Variants in VSNL1 observed in about 807,000 individuals in gnomAD.
VSNL1 encodes the protein visinin like 1.
VSNL1 carries 6 observed loss-of-function variants against 20.4 expected under a neutral mutation model. That is an observed-to-expected ratio of 0.29 (90% CI 0.16 to 0.58). VSNL1 has a LOEUF of 0.58. Ranked by LOEUF, VSNL1 falls within the 20% of genes least tolerant of loss-of-function variation. The pLI, the probability that VSNL1 is intolerant of heterozygous loss-of-function variation, is 0.90. For synonymous variants in VSNL1, 93 were observed against 86.4 expected, an observed-to-expected ratio of 1.08 and a Z score of -0.42; for missense variants, 100 against 234.5, an observed-to-expected ratio of 0.43 and a Z score of 3.75.
chr2:17,644,799 A>G (rs947077362), intron 2 of VSNL1, among the ~76,000 whole-genome samples: 1 of 152,246 alleles, frequency 6.6e-6, no homozygotes, highest in African/African-American at 2.4e-5. Flanking sequence ...CTGAAGAGGT[A>G]GGTACAAGAC....
intron 2 of VSNL1, among the ~76,000 whole-genome samples, chr2:17,633,110 G>A (rs371076904): frequency 2.0e-5 from 3 of 152,174 alleles, no homozygotes; most frequent in Admixed American, 6.5e-5. Context: ...GGCTGAAGGC[G>A]AATGAGGAGC....
intron 2 of VSNL1, among the ~76,000 whole-genome samples, chr2:17,605,466 C>T (rs77343254): frequency 0.038 from 5,813 of 152,300 alleles, 382 homozygotes; most frequent in African/African-American, 0.13. Flanking sequence ...ATCCTCCCAG[C>T]GACTCGGCGG....
At position 17,548,142 on chromosome 2, in the gene VSNL1, A is replaced by G. The variant is rs1262669617; in HGVS notation, c.-6+7224A>G. ...TTCTCCCAGGCTTTTACAATAAAGA[A>G]AAGATACCTTCCAACTGCTCTTTCC... On this transcript the variant is annotated intron_variant, in intron 1 of 3. Transcript: ENST00000295156. Among the ~76,000 whole-genome samples the G allele has an allele frequency of 3.3e-5, 5 of 152,242 alleles. No individual in the cohort carries two copies. In the East Asian group the frequency reaches 9.7e-4, roughly 29 times the overall value.
At chr2:17,637,982 T>TG (rs1055846921) in intron 2 of VSNL1, among the ~76,000 whole-genome samples, 1 of 152,110 alleles carries the variant, frequency 6.6e-6, no homozygotes, top group Non-Finnish European at 1.5e-5. Context: ...ACTTGGACTA[T>TG]GGGGGTTTTG....
chr2:17,614,620 G>T (rs1665172892), intron 2 of VSNL1, among the ~76,000 whole-genome samples: 1 of 152,176 alleles, frequency 6.6e-6, no homozygotes, highest in Non-Finnish European at 1.5e-5. Context: ...TCCCCTCAGG[G>T]TCAGATCCAG....
chr2:17,558,771 A>T (rs546955972), intron 1 of VSNL1, among the ~76,000 whole-genome samples: 15 of 152,324 alleles, frequency 9.8e-5, no homozygotes, highest in East Asian at 9.6e-4. Context: ...GATATCAAAC[A>T]TCTATGATAT....
intron 2 of VSNL1, among the ~76,000 whole-genome samples, chr2:17,592,981 C>T (rs1014408786): frequency 5.3e-5 from 8 of 152,098 alleles, no homozygotes; most frequent in Non-Finnish European, 7.4e-5. Context: ...TGTAATGTTA[C>T]ACAAGTGAAA....
chr2:17,603,985 AG>A (rs781176710), intron 2 of VSNL1, among the ~76,000 whole-genome samples: 6 of 152,134 alleles, frequency 3.9e-5, no homozygotes, highest in Non-Finnish European at 7.3e-5. Flanking sequence ...ACTCAACACC[AG>A]GGGGGTCAGC....
intron 1 of VSNL1, among the ~76,000 whole-genome samples, chr2:17,578,229 T>C (rs1664263127): frequency 1.3e-5 from 2 of 152,214 alleles, no homozygotes; most frequent in African/African-American, 4.8e-5. Flanking sequence ...TCACCTTGTT[T>C]GTCTAATGAG....
chr2:17,559,334 A>G (rs557408987), intron 1 of VSNL1, among the ~76,000 whole-genome samples: 1 of 152,264 alleles, frequency 6.6e-6, no homozygotes, highest in Non-Finnish European at 1.5e-5. Flanking sequence ...TACTAGTAAT[A>G]AAATTTTAAG....
chr2:17,627,443 CAGAGGTGTCTA>C (rs1572208428), intron 2 of VSNL1, among the ~76,000 whole-genome samples: 1 of 152,340 alleles, frequency 6.6e-6, no homozygotes, highest in East Asian at 1.9e-4. Context: ...GTAATACACA[CAGAGGTGTCTA>C]TGCAGGAGAT....
intron 1 of VSNL1, among the ~76,000 whole-genome samples, chr2:17,578,237 G>C (rs1664263451): frequency 6.6e-6 from 1 of 152,114 alleles, no homozygotes; most frequent in Non-Finnish European, 1.5e-5. Flanking sequence ...TTTGTCTAAT[G>C]AGAAGGCCCG....
chr2:17,598,049 C>A (rs911442529), intron 2 of VSNL1, among the ~76,000 whole-genome samples: 1 of 152,030 alleles, frequency 6.6e-6, no homozygotes, highest in Non-Finnish European at 1.5e-5. Context: ...AGGACCAGCA[C>A]CTAAATATTT....
intron 2 of VSNL1, among the ~76,000 whole-genome samples, chr2:17,597,740 A>C (rs994047160): frequency 2.0e-5 from 3 of 151,530 alleles, no homozygotes; most frequent in Admixed American, 2.0e-4. Flanking sequence ...TCATTCATTC[A>C]CTTGAGACCC....
chr2:17,590,482 C>G (rs543050591), intron 1 of VSNL1, among the ~76,000 whole-genome samples: 154 of 152,010 alleles, frequency 1.0e-3, no homozygotes, highest in Non-Finnish European at 1.9e-3. Context: ...TAGAGAAGCC[C>G]CATGACAAAG....
chr2:17,586,927 G>A (rs1486948823), intron 1 of VSNL1, among the ~76,000 whole-genome samples: 1 of 152,100 alleles, frequency 6.6e-6, no homozygotes, highest in East Asian at 1.9e-4. Context: ...CTCTACAAAG[G>A]CAATTGTTTC....
intron 2 of VSNL1, among the ~76,000 whole-genome samples, chr2:17,621,487 T>A (rs550268802): frequency 7.9e-5 from 12 of 152,102 alleles, no homozygotes; most frequent in Admixed American, 5.9e-4. Context: ...CACACCCAGA[T>A]AATTTTTGTA....
chr2:17,612,801 C>T (rs1018706067), intron 2 of VSNL1, among the ~76,000 whole-genome samples: 2 of 152,166 alleles, frequency 1.3e-5, no homozygotes, highest in African/African-American at 4.8e-5. Flanking sequence ...CCTTCGTTTC[C>T]CAGACGGTGG....
chr2:17,647,371 A>G (rs1333109234), intron 2 of VSNL1, among the ~76,000 whole-genome samples: 1 of 152,172 alleles, frequency 6.6e-6, no homozygotes, highest in Non-Finnish European at 1.5e-5. Context: ...GAACCTGTCC[A>G]GGGGCTCGCT....
Sources: gnomAD v4.1 joint callset for allele counts (sites outside exome capture counted in the v4.1 genomes callset) on GRCh38, gnomAD v4.1.1 for gene constraint, MANE v1.5 for transcripts, NCBI Gene and HGNC (gene_info 2026-07-23, HGNC 2026-07-21) for gene names.